EPHB1: variants seen among roughly 807,000 people sequenced by gnomAD.
The protein encoded by EPHB1 is ephrin type-B receptor 1.
In EPHB1, 30 loss-of-function variants were observed where a neutral mutation model predicts 94.4. The ratio of observed to expected loss-of-function variants is 0.32; its 90% CI spans 0.24 to 0.43. The LOEUF (loss-of-function observed/expected upper bound fraction) is 0.43. Ranked by LOEUF, EPHB1 falls within the 20% of genes least tolerant of loss-of-function variation. The pLI, the probability that EPHB1 is intolerant of heterozygous loss-of-function variation, is 1.00. For synonymous variants in EPHB1, 522 were observed against 489.1 expected, an observed-to-expected ratio of 1.07 and a Z score of -0.89; for missense variants, 1,055 against 1,308.3, an observed-to-expected ratio of 0.81 and a Z score of 2.99.
intron 4 of EPHB1, among the ~76,000 whole-genome samples, chr3:135,122,292 C>A (rs1437634470): frequency 1.3e-5 from 2 of 152,142 alleles, no homozygotes; most frequent in African/African-American, 4.8e-5. Flanking sequence ...TAAGACTCAG[C>A]CCCAGTTTTT....
At chr3:134,976,421 C>G (rs780015852) in intron 3 of EPHB1, among the ~76,000 whole-genome samples, 3 of 152,214 alleles carry the variant, frequency 2.0e-5, no homozygotes, top group Non-Finnish European at 4.4e-5. Flanking sequence ...GAAAGGTGAT[C>G]AAACCACACT....
At chr3:135,009,938 G>C (rs36061) in intron 3 of EPHB1, among the ~76,000 whole-genome samples, 24,468 of 152,100 alleles carry the variant, frequency 0.16, 2,947 homozygotes, top group African/African-American at 0.34. Flanking sequence ...ATTTTAAAAT[G>C]ACAAAAAACA....
chr3:135,173,127 C>T (rs999865992), intron 9 of EPHB1, among the ~76,000 whole-genome samples: 16 of 151,092 alleles, frequency 1.1e-4, no homozygotes, highest in African/African-American at 3.6e-4. Flanking sequence ...CTCCGCCTCC[C>T]GGGTTCACGC....
intron 3 of EPHB1, among the ~76,000 whole-genome samples, chr3:135,096,585 A>T (rs1455151555): frequency 6.6e-6 from 1 of 152,206 alleles, no homozygotes; most frequent in Non-Finnish European, 1.5e-5. Context: ...TTTATTTCTC[A>T]CAGTTCTGAA....
intron 3 of EPHB1, among the ~76,000 whole-genome samples, chr3:135,090,787 T>G (rs1390930997): frequency 6.6e-6 from 1 of 152,272 alleles, no homozygotes; most frequent in East Asian, 1.9e-4. Flanking sequence ...TAATTTAGGC[T>G]GAGAATTTCA....
intron 12 of EPHB1, among the ~76,000 whole-genome samples, chr3:135,221,046 C>T (rs959791863): frequency 1.4e-4 from 21 of 152,176 alleles, no homozygotes; most frequent in Non-Finnish European, 2.5e-4. Context: ...CTATTGAAGA[C>T]AACAGAAAAC....
At chr3:135,180,080 G>A (rs759089694) in intron 10 of EPHB1, 98 bp downstream of exon 10, 99 of 1,398,096 alleles carry the variant, frequency 7.1e-5, no homozygotes, top group Non-Finnish European at 9.3e-5. Context: ...AGCCCCATTA[G>A]GAGGAGAGCT....
At chr3:135,217,023 A>G (rs900752398) in intron 12 of EPHB1, among the ~76,000 whole-genome samples, 2 of 152,074 alleles carry the variant, frequency 1.3e-5, no homozygotes, top group African/African-American at 4.8e-5. Flanking sequence ...GGAACTTGCT[A>G]GGGTGTCTTT....
At chr3:134,938,609 A>G (rs914466086) in intron 2 of EPHB1, among the ~76,000 whole-genome samples, 1 of 152,214 alleles carries the variant, frequency 6.6e-6, no homozygotes, top group Non-Finnish European at 1.5e-5. Context: ...GTCATAGAGC[A>G]TACACATCAT....
At chr3:135,001,884 G>A (rs904473494) in intron 3 of EPHB1, among the ~76,000 whole-genome samples, 6 of 152,174 alleles carry the variant, frequency 3.9e-5, no homozygotes, top group African/African-American at 1.4e-4. Context: ...ATTAATAGTT[G>A]TTGTGGTTGT....
intron 5 of EPHB1, among the ~76,000 whole-genome samples, chr3:135,140,827 C>T (rs910794681): frequency 6.6e-6 from 1 of 152,184 alleles, no homozygotes; most frequent in Admixed American, 6.5e-5. Context: ...TTTCACAGTA[C>T]CATCCATGTT....
At chr3:135,168,667 C>A (rs1347408565) in intron 9 of EPHB1, among the ~76,000 whole-genome samples, 1 of 152,126 alleles carries the variant, frequency 6.6e-6, no homozygotes, top group African/African-American at 2.4e-5. Context: ...TCCCTGCTTC[C>A]CTGCCTCTGC....
intron 12 of EPHB1, among the ~76,000 whole-genome samples, chr3:135,215,797 G>A (rs1943137502): frequency 6.6e-6 from 1 of 152,190 alleles, no homozygotes; most frequent in Non-Finnish European, 1.5e-5. Context: ...TGGATCTGAG[G>A]TGGAGCCTTG....
At chr3:134,911,371 C>T (rs1382707594) in intron 1 of EPHB1, among the ~76,000 whole-genome samples, 4 of 114,266 alleles carry the variant, frequency 3.5e-5, no homozygotes, top group East Asian at 3.0e-4. Flanking sequence ...CTACATCTTC[C>T]GGGGAGGAGG....
chr3:134,885,525 C>T (rs1194018083), intron 1 of EPHB1, among the ~76,000 whole-genome samples: 2 of 152,144 alleles, frequency 1.3e-5, no homozygotes, highest in Admixed American at 1.3e-4. Context: ...GGCAGTCCAC[C>T]CCAGGTTTGA....
intron 10 of EPHB1, among the ~76,000 whole-genome samples, chr3:135,185,442 T>A (rs1354885938): frequency 6.6e-6 from 1 of 152,204 alleles, no homozygotes; most frequent in African/African-American, 2.4e-5. Context: ...TCAAAGTAGC[T>A]AGCATCTCTT....
At chr3:135,049,561 A>C (rs1009063017) in intron 3 of EPHB1, among the ~76,000 whole-genome samples, 2 of 152,208 alleles carry the variant, frequency 1.3e-5, no homozygotes, top group East Asian at 3.9e-4. Flanking sequence ...AAGAGACAGG[A>C]ATTGAATGCC....
chr3:134,985,320 G>A (rs371215012), intron 3 of EPHB1, among the ~76,000 whole-genome samples: 22 of 151,970 alleles, frequency 1.4e-4, no homozygotes, highest in Middle Eastern at 3.2e-3. Context: ...CACCACACCC[G>A]GCTAATTTTT....
At chr3:134,878,174 G>A (rs910183447) in intron 1 of EPHB1, among the ~76,000 whole-genome samples, 11 of 152,356 alleles carry the variant, frequency 7.2e-5, no homozygotes, top group African/African-American at 2.6e-4. Context: ...TCTCTATGGA[G>A]CCTTCTGAGG....
Sources: allele counts gnomAD v4.1 joint callset (sites outside exome capture counted in the v4.1 genomes callset), GRCh38; gene constraint gnomAD v4.1.1; transcripts MANE v1.5; gene names NCBI Gene and HGNC (gene_info 2026-07-23, HGNC 2026-07-21).